The following DUS2 variants were observed in gnomAD, a reference collection of about 807,000 sequenced individuals.
DUS2 encodes tRNA-dihydrouridine(20) synthase [NAD(P)+]-like.
A neutral mutation model predicts 71.3 loss-of-function variants in DUS2; 52 were observed. The ratio of observed to expected loss-of-function variants is 0.73; its 90% CI spans 0.58 to 0.92. The LOEUF is 0.92. DUS2 is among the 40% of genes least tolerant of loss of function. The probability of loss-of-function intolerance (pLI) is 0.00; values close to 1 mark genes in which losing one functional copy is unlikely to be tolerated. For synonymous variants in DUS2, 204 were observed against 227.8 expected (o/e 0.90, Z 0.94); for missense variants, 558 against 622.6 (o/e 0.90, Z 1.10).
chr16:68,031,193 G>A (rs2033432528), intron 2 of DUS2, among the ~76,000 whole-genome samples: 1 of 152,030 alleles, frequency 6.6e-6, no homozygotes, highest in African/African-American at 2.4e-5. Context: ...TTTTGGAGAT[G>A]AGTCTCGCTC....
At chr16:68,054,817 G>A (rs557550305) in intron 6 of DUS2, among the ~76,000 whole-genome samples, 200 bp downstream of exon 6, 1 of 152,278 alleles carries the variant, frequency 6.6e-6, no homozygotes, top group East Asian at 1.9e-4. Flanking sequence ...GGCTGAGGCA[G>A]GTGGATCATG....
chr16:68,050,651 G>GA (rs897288185), intron 4 of DUS2, among the ~76,000 whole-genome samples: 3 of 151,454 alleles, frequency 2.0e-5, no homozygotes, highest in Non-Finnish European at 2.9e-5. Flanking sequence ...TGAAGATAAG[G>GA]AAAAAAAATG....
At chr16:68,071,235 TG>T in intron 12 of DUS2, 127 bp downstream of exon 12, 1 of 1,015,864 alleles carries the variant, frequency 9.8e-7, no homozygotes, top group African/African-American at 1.6e-5. Flanking sequence ...TTTTAGCTCA[TG>T]TAGTGTAGCT....
intron 2 of DUS2, among the ~76,000 whole-genome samples, chr16:68,031,391 T>C (rs1209796427): frequency 6.6e-6 from 1 of 150,554 alleles, no homozygotes; most frequent in Non-Finnish European, 1.5e-5. Flanking sequence ...TCTTGATCTC[T>C]TTACCTCGTG....
intron 8 of DUS2, among the ~76,000 whole-genome samples, chr16:68,064,169 G>C (rs2033975968): frequency 6.6e-6 from 1 of 152,266 alleles, no homozygotes; most frequent in South Asian, 2.1e-4. Flanking sequence ...TTGGCCAGTG[G>C]GTCTATTGAG....
chr16:68,073,707 C>T (rs1341170104), intron 12 of DUS2, among the ~76,000 whole-genome samples: 1 of 152,096 alleles, frequency 6.6e-6, no homozygotes, highest in Non-Finnish European at 1.5e-5. Context: ...CCTTGGCCTC[C>T]CAAGGTGCTG....
chr16:68,076,584 G>A, intron 14 of DUS2, 48 bp from the exon 15 acceptor site: 9 of 1,431,512 alleles, frequency 6.3e-6, no homozygotes, highest in Non-Finnish European at 7.9e-6. Context: ...GCTGAGGGAG[G>A]GAGCGGTGAT....
chr16:68,036,381 G>A (rs552597917), intron 2 of DUS2, among the ~76,000 whole-genome samples: 118 of 152,132 alleles, frequency 7.8e-4, no homozygotes, highest in African/African-American at 2.7e-3. Flanking sequence ...GGCTGGTCTT[G>A]AACTCCTGAC....
chr16:68,078,677 C>T (rs1598322534), intron 16 of DUS2, 72 bp from the exon 17 acceptor site: 3 of 1,522,462 alleles, frequency 2.0e-6, no homozygotes, highest in Non-Finnish European at 2.7e-6. Context: ...TCAGAATCTG[C>T]CAAGGATGTG....
At chr16:68,027,485 C>T (rs915269232) in intron 2 of DUS2, among the ~76,000 whole-genome samples, 4 of 152,154 alleles carry the variant, frequency 2.6e-5, no homozygotes, top group Admixed American at 2.6e-4. Context: ...TTAGGTAATC[C>T]GCCTGCCTTG....
intron 6 of DUS2, among the ~76,000 whole-genome samples, chr16:68,055,971 T>C (rs931679683): frequency 4.6e-5 from 7 of 152,040 alleles, no homozygotes; most frequent in African/African-American, 1.7e-4. Context: ...GTGCTAGAAC[T>C]TCCACCAGAA....
intron 10 of DUS2, 140 bp downstream of exon 10, chr16:68,066,776 C>A (rs2034011304): frequency 1.2e-6 from 1 of 834,476 alleles, no homozygotes; most frequent in African/African-American, 1.7e-5. Flanking sequence ...TCTTTGATAT[C>A]TTATGAGTCT....
chr16:68,036,349 C>T (rs560461023), intron 2 of DUS2, among the ~76,000 whole-genome samples: 5 of 152,060 alleles, frequency 3.3e-5, no homozygotes, highest in South Asian at 2.1e-4. Flanking sequence ...TGAGTAGAGA[C>T]GGGGTTTCAC....
chr16:68,037,870 C>G, intron 2 of DUS2, 136 bp from the exon 3 acceptor site: 1 of 907,780 alleles, frequency 1.1e-6, no homozygotes, highest in Non-Finnish European at 1.6e-6. Flanking sequence ...CAAAAACAAT[C>G]AAACATAAAC....
At chr16:68,030,974 C>G (rs1451001423) in intron 2 of DUS2, among the ~76,000 whole-genome samples, 1 of 152,062 alleles carries the variant, frequency 6.6e-6, no homozygotes, top group Non-Finnish European at 1.5e-5. Flanking sequence ...AAACTCCTGG[C>G]CTTGAGTGAT....
intron 10 of DUS2, among the ~76,000 whole-genome samples, chr16:68,067,027 CTCCCTCCCTCCCTTCCTTCCT>C (rs1463623617): frequency 4.3e-5 from 5 of 116,896 alleles, no homozygotes; most frequent in Admixed American, 1.6e-4. Context: ...CCTTCCCTCC[CTCCCTCCCTCCCTTCCTTCCT>C]TCCCTCCCTC....
At chr16:68,023,754 A>C (rs188115833) in intron 1 of DUS2, 21 of 167,408 alleles carry the variant, frequency 1.3e-4, no homozygotes, top group African/African-American at 5.1e-4. Flanking sequence ...GATGGCTTTC[A>C]GCTTCTTCTC....
intron 9 of DUS2, 27 bp downstream of exon 9, chr16:68,066,409 G>A: frequency 5.0e-6 from 8 of 1,610,146 alleles, no homozygotes; most frequent in Non-Finnish European, 6.8e-6. Context: ...ACATATGAAG[G>A]TCCATTCTCT....
intron 12 of DUS2, among the ~76,000 whole-genome samples, chr16:68,072,937 T>C (rs2034107870): frequency 6.6e-6 from 1 of 152,176 alleles, no homozygotes; most frequent in African/African-American, 2.4e-5. Context: ...TGATGCTGTG[T>C]TTTACCCACG....
Sources: gnomAD v4.1 joint callset for allele counts (sites outside exome capture counted in the v4.1 genomes callset) on GRCh38, gnomAD v4.1.1 for gene constraint, MANE v1.5 for transcripts, NCBI Gene and HGNC (gene_info 2026-07-23, HGNC 2026-07-21) for gene names.